The following ASXL1 variants were observed in gnomAD, a reference collection of about 807,000 sequenced individuals.
The protein encoded by ASXL1 is ASXL transcriptional regulator 1, also known as polycomb group protein ASXL1.
A neutral mutation model predicts 89.1 loss-of-function variants in ASXL1; 65 were observed. That is an observed-to-expected ratio of 0.73 (90% confidence interval 0.60 to 0.90). The LOEUF (loss-of-function observed/expected upper bound fraction) is 0.90, where lower values mean the gene tolerates loss of function less well. Among genes scored for constraint, ASXL1 ranks in the 40% least tolerant of loss-of-function variants. The pLI is 0.00. For synonymous variants in ASXL1, 739 were observed against 746.9 expected (o/e 0.99, Z 0.17); for missense variants, 1,786 against 1,942.9 (o/e 0.92, Z 1.52).
chr20:32,390,066 T>G (rs536123396), intron 4 of ASXL1, among the ~76,000 whole-genome samples: 2 of 152,322 alleles, frequency 1.3e-5, no homozygotes, highest in South Asian at 4.1e-4. Context: ...CACCTTAAGT[T>G]GAAAATATTA....
intron 4 of ASXL1, among the ~76,000 whole-genome samples, chr20:32,413,103 T>TAA (rs1251232205): frequency 6.6e-6 from 1 of 151,844 alleles, no homozygotes; most frequent in African/African-American, 2.4e-5. Flanking sequence ...CATGAAACGA[T>TAA]AGAGTAATTT....
At position 32,434,757 on chromosome 20, in the gene ASXL1, G is replaced by GC; in HGVS notation, c.2046dup (p.Thr683HisfsTer35). The GC allele has an allele frequency of 6.2e-7, 1 of 1,613,498 alleles. No individual in the cohort carries two copies. The highest frequency in any genetic ancestry group is 8.5e-7 in the Non-Finnish European group (1 of 1,179,934). On this transcript the variant is annotated frameshift_variant, in exon 13 of 13. Transcript: ENST00000375687. LOFTEE classifies it low-confidence loss of function (END_TRUNC). ...CACCCTGAGCCCAGGGGAGGCCCGA[G>GC]CACCCCTGGAAAGTGTACGTCAGAT...
chr20:32,377,778 G>A (rs565221750), intron 4 of ASXL1, among the ~76,000 whole-genome samples: 3 of 150,688 alleles, frequency 2.0e-5, no homozygotes, highest in South Asian at 4.3e-4. Context: ...TCAGCCTCCT[G>A]CGTAGCTGGG....
chr20:32,389,520 GT>G (rs886856758), intron 4 of ASXL1, among the ~76,000 whole-genome samples: 1 of 151,576 alleles, frequency 6.6e-6, no homozygotes, highest in Non-Finnish European at 1.5e-5. Flanking sequence ...TCTTGTTTTT[GT>G]TTTTTTTCCC....
chr20:32,424,409 CCTGTAAT>C (rs2011215423), intron 4 of ASXL1, among the ~76,000 whole-genome samples: 1 of 152,120 alleles, frequency 6.6e-6, no homozygotes, highest in South Asian at 2.1e-4. Context: ...GTGGCAGCCA[CCTGTAAT>C]CCCAGCTGCT....
intron 4 of ASXL1, among the ~76,000 whole-genome samples, chr20:32,395,159 C>T (rs2048740765): frequency 6.6e-6 from 1 of 152,202 alleles, no homozygotes; most frequent in Non-Finnish European, 1.5e-5. Context: ...TTTCTTTCTG[C>T]CAGAGGACTT....
chr20:32,410,290 T>A, intron 4 of ASXL1, among the ~76,000 whole-genome samples: 1 of 152,288 alleles, frequency 6.6e-6, no homozygotes, highest in South Asian at 2.1e-4. Flanking sequence ...TTTGATAAAT[T>A]TTATTTTATT....
At position 32,433,373 on chromosome 20, in the gene ASXL1, C is replaced by T. The variant is rs2011589236; in HGVS notation, c.1175C>T (p.Ser392Leu). Residue 392 changes from serine to leucine, a missense_variant, in exon 12 of 13, where the codon TCA becomes TTA. By Grantham distance (145) the Ser-to-Leu change is moderately radical. Around this residue, in one of 3 missense-constraint regions of ASXL1, gnomAD observed 1,418 missense variants for 1,427.8 expected, o/e 0.99. Coordinates refer to ENST00000375687, the MANE Select transcript of ASXL1 (RefSeq NM_015338.6). Reference sequence around the variant, plus strand: ...AGTGGCTTGTGTGTCCCAGGAGAATCAGTGCGTATACAGCGTGGTCCAGCC... The same window carrying T: ...AGTGGCTTGTGTGTCCCAGGAGAATTAGTGCGTATACAGCGTGGTCCAGCC... ...IKSGLCVPGESVRIQRGPATR... is the reference protein window; with the variant it reads ...IKSGLCVPGELVRIQRGPATR... The T allele has an allele frequency of 1.2e-6, 2 of 1,614,138 alleles. No homozygotes were observed. The highest frequency in any genetic ancestry group is 1.7e-6 in the Non-Finnish European group (2 of 1,180,014).
Position 32,437,810 on chromosome 20 carries a change from A to C in ASXL1, c.*472A>C. On this transcript the variant is annotated 3_prime_UTR_variant, in exon 13 of 13. Transcript: ENST00000375687. ...AAGAAGCCAGCACAGGGTTAAAGTAACTCCTGGCATTGCCCACCAGGGGGC... is the reference window on the plus strand; with the variant it reads ...AAGAAGCCAGCACAGGGTTAAAGTACCTCCTGGCATTGCCCACCAGGGGGC... 1 of 251,762 alleles carries C rather than the reference A, an allele frequency of 4.0e-6. No individual in the cohort carries two copies. Among genetic ancestry groups the C allele is most frequent in the Non-Finnish European group, 7.7e-6 (1 of 129,138 alleles). 15.6% of individuals were successfully genotyped at this position (251,762 alleles called of 1,614,324 possible). A position where few individuals can be genotyped will look rare whatever the true frequency, so the allele number is the denominator to read the frequency against.
At chr20:32,381,135 T>A (rs1175115132) in intron 4 of ASXL1, among the ~76,000 whole-genome samples, 1 of 152,204 alleles carries the variant, frequency 6.6e-6, no homozygotes, top group East Asian at 1.9e-4. Context: ...ACATAATAGG[T>A]GCTAATAAAT....
chr20:32,366,372 A>C lies in ASXL1; in HGVS notation c.58-12A>C. 6.3e-7 allele frequency: 1 copy of C among 1,598,740 alleles called. No homozygotes were observed. On this transcript the variant is annotated splice_polypyrimidine_tract_variant and intron_variant, in intron 1 of 12. Coordinates refer to ENST00000375687, the MANE Select transcript of ASXL1 (RefSeq NM_015338.6). Reference sequence around the variant, plus strand: ...ATTGCACACTGAAATTAGGACGTTTATATTTCTTCAGGTATTAGAAAACTA... The same window carrying C: ...ATTGCACACTGAAATTAGGACGTTTCTATTTCTTCAGGTATTAGAAAACTA...
In ASXL1 at chr20:32,436,818, A is replaced by C; in HGVS notation, c.4106A>C (p.Asn1369Thr). 6.2e-7 allele frequency: 1 copy of C among 1,614,230 alleles called. No homozygotes were observed. Among genetic ancestry groups the C allele is most frequent in the South Asian group, 1.1e-5 (1 of 91,088 alleles). ...CATGCCTTTGTTGGCAGCGTCAAGA[A>C]TGAGAAGACTTTTGTGGGGGGTCCT... is the stretch of plus-strand genomic sequence containing the variant. The part of the protein sequence containing the change: ...KPHAFVGSVK[N>T]EKTFVGGPLK... Residue 1369 changes from asparagine to threonine, a missense_variant, in exon 13 of 13, where the codon AAT (asparagine) becomes ACT (threonine). Transcript: ENST00000375687.
chr20:32,372,108 C>T (rs1216345451), intron 4 of ASXL1: 2 of 1,341,388 alleles, frequency 1.5e-6, no homozygotes, highest in Non-Finnish European at 2.0e-6. Context: ...GAATTCTTGG[C>T]ATAGTACGTG....
chr20:32,370,045 T>C (rs561222731), intron 4 of ASXL1, among the ~76,000 whole-genome samples: 1 of 152,214 alleles, frequency 6.6e-6, no homozygotes, highest in Admixed American at 6.5e-5. Context: ...TAGGATTTTG[T>C]TGTAGTAATG....
At chr20:32,419,455 C>T (rs867239387) in intron 4 of ASXL1, among the ~76,000 whole-genome samples, 18 of 151,476 alleles carry the variant, frequency 1.2e-4, no homozygotes, top group African/African-American at 4.1e-4. Flanking sequence ...CCTCCTTCCT[C>T]AGCTTCCCAA....
Position 32,433,497 on chromosome 20 carries a change from A to G in ASXL1, c.1299A>G (p.Ala433=). The change falls in exon 12 of 13, where the codon GCA becomes GCG. Residue 433 remains alanine, a synonymous_variant. Coordinates refer to ENST00000375687, the MANE Select transcript of ASXL1 (RefSeq NM_015338.6). The part of the protein sequence containing the change: ...NLYKKQESEQ[A]GVAKDAKSVA... ...ACAAAAAACAGGAGTCAGAACAAGC[A>G]GGGGTTGCTAAGGATGCAAAATCTG... 6.2e-7 allele frequency: 1 copy of G among 1,614,212 alleles called. No individual in the cohort carries two copies. Among genetic ancestry groups the G allele is most frequent in the East Asian group, 2.2e-5 (1 of 44,884 alleles).
In ASXL1 at chr20:32,434,673, C is replaced by A. The variant is rs200756074; in HGVS notation, c.1961C>A (p.Ala654Asp). The change falls in exon 13 of 13, where the codon GCC becomes GAC. Residue 654 changes from alanine to aspartate, a missense_variant. Ala to Asp is a moderately radical substitution (Grantham distance 126). Coordinates refer to ENST00000375687, the MANE Select transcript of ASXL1 (RefSeq NM_015338.6). ...GGCCCGGGTGGAGGTGGCGGCGGGG[C>A]CACCGATGAGGGAGGTGGCAGAGGC... is the stretch of plus-strand genomic sequence containing the variant. ...GGGPGGGGGG[A>D]TDEGGGRGSS... The A allele has an allele frequency of 6.2e-7, 1 of 1,600,896 alleles. No homozygotes were observed. Among genetic ancestry groups the A allele is most frequent in the Non-Finnish European group, 8.5e-7 (1 of 1,173,908 alleles).
At chr20:32,405,123 C>G (rs926495394) in intron 4 of ASXL1, among the ~76,000 whole-genome samples, 3 of 151,770 alleles carry the variant, frequency 2.0e-5, no homozygotes, top group Non-Finnish European at 4.4e-5. Flanking sequence ...TTGTTCCTTA[C>G]TATTTTTATT....
chr20:32,409,473 CT>C (rs1465959850), intron 4 of ASXL1, among the ~76,000 whole-genome samples: 10 of 152,156 alleles, frequency 6.6e-5, no homozygotes, highest in Non-Finnish European at 1.3e-4. Context: ...ATAATGCCCC[CT>C]AACCTCTAAA....
Sources: gnomAD v4.1 joint callset for allele counts (sites outside exome capture counted in the v4.1 genomes callset) on GRCh38, gnomAD v4.1.1 for gene constraint, gnomAD v4.1.1 regional missense constraint, MANE v1.5 for transcripts, NCBI Gene and HGNC (gene_info 2026-07-23, HGNC 2026-07-21) for gene names.